Variants in NARS1 observed in about 807,000 individuals in gnomAD.
NARS1 encodes the protein asparaginyl-tRNA synthetase 1, also known as asparagine--tRNA ligase, cytoplasmic.
Under a neutral mutation model 79.2 loss-of-function variants are expected in NARS1, and 65 were observed. The observed-to-expected ratio is 0.82, with a 90% confidence interval of 0.67 to 1.01. The LOEUF (loss-of-function observed/expected upper bound fraction) is 1.01, where lower values mean the gene tolerates loss of function less well. Ranked by LOEUF, NARS1 falls within the 50% of genes least tolerant of loss-of-function variation. NARS1 has a pLI of 0.00. For missense variants in NARS1, 649 were observed against 673.8 expected (o/e 0.96, Z 0.41); for synonymous variants, 229 against 238.8 (o/e 0.96, Z 0.38).
At chr18:57,611,911 T>A (rs950303603) in intron 5 of NARS1, among the ~76,000 whole-genome samples, 1 of 151,476 alleles carries the variant, frequency 6.6e-6, no homozygotes, top group African/African-American at 2.4e-5. Context: ...TACAGGCACA[T>A]GCCACCACAC....
At position 57,601,424 on chromosome 18, in the gene NARS1, G is replaced by C. The variant is rs1019840504; in HGVS notation, c.*228C>G. On this transcript the variant is annotated 3_prime_UTR_variant, in exon 14 of 14. Transcript: ENST00000256854. ...CAGTTTCATGCCAGGTATTTTCCCC[G>C]AACTTTGTTTCCCGAACTTAAGAAA... The C allele has an allele frequency of 2.7e-6, 1 of 371,164 alleles. No individual in the cohort carries two copies. Among genetic ancestry groups the C allele is most frequent in the Non-Finnish European group, 4.8e-6 (1 of 206,624 alleles). The allele number at this position is 371,164 out of a possible 1,614,324, so 23.0% of individuals were successfully genotyped here. A position where few individuals can be genotyped will look rare whatever the true frequency, so the allele number is the denominator to read the frequency against.
intron 6 of NARS1, among the ~76,000 whole-genome samples, 185 bp from the exon 7 acceptor site, chr18:57,609,628 T>C (rs974187027): frequency 4.6e-5 from 7 of 152,242 alleles, no homozygotes; most frequent in Non-Finnish European, 8.8e-5. Context: ...GGTTTATCTA[T>C]ATATAGACAT....
At chr18:57,606,915 T>C (rs2051562785) in intron 9 of NARS1, 164 bp from the exon 10 acceptor site, 2 of 962,614 alleles carry the variant, frequency 2.1e-6, no homozygotes, top group African/African-American at 1.7e-5. Flanking sequence ...TGAGTAGCAA[T>C]TTCTTGTTTG....
chr18:57,616,153 G>T, intron 2 of NARS1, 178 bp from the exon 3 acceptor site: 1 of 591,912 alleles, frequency 1.7e-6, no homozygotes, highest in Non-Finnish European at 2.8e-6. Flanking sequence ...TTGGCTGGGC[G>T]CGGTGGCTCA....
At chr18:57,613,825 C>A (rs1336823234) in intron 4 of NARS1, 145 bp from the exon 5 acceptor site, 15 of 636,502 alleles carry the variant, frequency 2.4e-5, no homozygotes, top group Non-Finnish European at 4.1e-5. Flanking sequence ...CAGCTCAGAA[C>A]CAAACGCATT....
intron 11 of NARS1, among the ~76,000 whole-genome samples, chr18:57,604,114 A>G (rs1267496395): frequency 6.6e-6 from 1 of 152,216 alleles, no homozygotes; most frequent in Admixed American, 6.5e-5. Flanking sequence ...ACAAAAGAAA[A>G]GAGGTGGGAG....
intron 10 of NARS1, 94 bp downstream of exon 10, chr18:57,606,522 C>A: frequency 2.4e-6 from 3 of 1,266,662 alleles, no homozygotes; most frequent in Admixed American, 2.2e-5. Context: ...TTTCAGCTCA[C>A]CAAGCCATCA....
intron 2 of NARS1, among the ~76,000 whole-genome samples, chr18:57,619,115 G>T (rs1349317627): frequency 6.6e-6 from 1 of 152,008 alleles, no homozygotes; most frequent in Non-Finnish European, 1.5e-5. Flanking sequence ...TTCAAAGAAG[G>T]AACTTTTTTG....
At chr18:57,616,233 C>T (rs1008491996) in intron 2 of NARS1, among the ~76,000 whole-genome samples, 8 of 152,102 alleles carry the variant, frequency 5.3e-5, no homozygotes, top group Non-Finnish European at 1.0e-4. Context: ...TCCTGGCTAA[C>T]ATGGTGAAAC....
chr18:57,618,633 G>A (rs118145669), intron 2 of NARS1, among the ~76,000 whole-genome samples: 4 of 152,084 alleles, frequency 2.6e-5, no homozygotes, highest in Non-Finnish European at 4.4e-5. Flanking sequence ...CAGGAGTGGC[G>A]GCTCACACCT....
At position 57,613,618 on chromosome 18, in the gene NARS1, G is replaced by A. The variant is rs555323752; in HGVS notation, c.405C>T (p.His135=). ...GCCATTTACCTTGCCTGCGCAGCCT[G>A]TGGACCCAGCCAAACACCTTTACTC... ...GQRVKVFGWV[H]RLRRQGKNLM... is the part of the protein sequence containing the mutation. The change falls in exon 5 of 14, where the codon CAC becomes CAT. Residue 135 remains histidine, a synonymous_variant. Coordinates refer to ENST00000256854, the MANE Select transcript of NARS1 (RefSeq NM_004539.4). 1.2e-6 allele frequency: 2 copies of A among 1,614,058 alleles called. No homozygotes were observed. Among genetic ancestry groups the A allele is most frequent in the Admixed American group, 1.7e-5 (1 of 60,006 alleles).
At position 57,602,938 on chromosome 18, in the gene NARS1, G is replaced by C. The variant is rs774750238; in HGVS notation, c.1257C>G (p.Ile419Met). Reference protein sequence around the residue: ...DGTFYEFGEDIPEAPERLMTD... With the variant: ...DGTFYEFGEDMPEAPERLMTD... The stretch of plus-strand genomic sequence containing the variant: ...TCATCAGTCTCTCAGGAGCTTCTGG[G>C]ATATCCTGAGGTCAAACAAGACTTC... The change falls in exon 12 of 14, where the codon ATC becomes ATG. Residue 419 changes from isoleucine (I) to methionine (M), a missense_variant. Coordinates refer to ENST00000256854, the MANE Select transcript of NARS1 (RefSeq NM_004539.4). 1 of 1,613,854 alleles carries C rather than the reference G, an allele frequency of 6.2e-7. No homozygotes were observed. The highest frequency in any genetic ancestry group is 1.1e-5 in the South Asian group (1 of 91,030).
At chr18:57,618,816 C>G (rs1001679855) in intron 2 of NARS1, among the ~76,000 whole-genome samples, 2 of 151,938 alleles carry the variant, frequency 1.3e-5, no homozygotes, top group African/African-American at 4.8e-5. Flanking sequence ...GTGGGAGGAT[C>G]CCTTAAGCCC....
chr18:57,615,857 T>G lies in NARS1; in HGVS notation c.212A>C (p.His71Pro). The change falls in exon 3 of 14, where the codon CAT becomes CCT. Residue 71 changes from histidine (H) to proline (P), a missense_variant. His to Pro is a moderately conservative substitution (Grantham distance 77, BLOSUM62 -2). Transcript: ENST00000256854. Reference protein sequence around the residue: ...SQLKNIKKMWHREQMKSESRE... With the variant: ...SQLKNIKKMWPREQMKSESRE... ...GGATTCACTCTTCATTTGTTCCCTA[T>G]GCCACATCTTTTTAATGTTCTTCAA... is the stretch of plus-strand genomic sequence containing the variant. The G allele has an allele frequency of 4.3e-6, 7 of 1,613,664 alleles. No homozygotes were observed. The highest frequency in any genetic ancestry group is 5.9e-6 in the Non-Finnish European group (7 of 1,179,852).
At chr18:57,620,685 G>A (rs779274284) in intron 1 of NARS1, 34 bp from the exon 2 acceptor site, 3 of 1,330,058 alleles carry the variant, frequency 2.3e-6, no homozygotes, top group African/African-American at 1.5e-5. Flanking sequence ...TTATGGTCTG[G>A]CCATTAACTA....
At chr18:57,609,550 T>A in intron 6 of NARS1, 107 bp from the exon 7 acceptor site, 1 of 799,120 alleles carries the variant, frequency 1.3e-6, no homozygotes, top group Non-Finnish European at 2.0e-6. Context: ...GATCAAATAC[T>A]AGTAAAATAA....
Position 57,607,116 on chromosome 18 carries a change from A to C in NARS1, c.1001+18T>G. 1 of 1,588,528 alleles carries C rather than the reference A, an allele frequency of 6.3e-7. No individual in the cohort carries two copies. On this transcript the variant is annotated intron_variant, in intron 9 of 13. Coordinates refer to ENST00000256854, the MANE Select transcript of NARS1 (RefSeq NM_004539.4). ...GATATTACCTAGAAAGAAATAAAACAAAAAGACAACTTCATACTCAGCCAG... is the reference window on the plus strand; with the variant it reads ...GATATTACCTAGAAAGAAATAAAACCAAAAGACAACTTCATACTCAGCCAG...
chr18:57,611,746 C>T lies in NARS1; in HGVS notation c.422-39G>A, dbSNP rs370477160. Reference sequence around the variant, plus strand: ...AATAATAATTTAGGCAGACTGTTCTCAAGGCATTAAATTTTATATATATAT... The same window carrying T: ...AATAATAATTTAGGCAGACTGTTCTTAAGGCATTAAATTTTATATATATAT... On this transcript the variant is annotated intron_variant, in intron 5 of 13. Coordinates refer to ENST00000256854, the MANE Select transcript of NARS1 (RefSeq NM_004539.4). 6.4e-6 allele frequency: 8 copies of T among 1,244,970 alleles called. No homozygotes were observed. In the South Asian group the frequency reaches 1.1e-4, roughly 17 times the overall value. The allele number at this position is 1,244,970 out of a possible 1,614,324, so 77.1% of individuals were successfully genotyped here. A position where few individuals can be genotyped will look rare whatever the true frequency, so the allele number is the denominator to read the frequency against.
intron 7 of NARS1, 54 bp from the exon 8 acceptor site, chr18:57,607,719 T>TA: frequency 7.0e-7 from 1 of 1,418,850 alleles, no homozygotes; most frequent in South Asian, 1.3e-5. Flanking sequence ...AATAAAAAAT[T>TA]AACAGTATTG....
Sources: gnomAD v4.1 joint callset for allele counts (sites outside exome capture counted in the v4.1 genomes callset) on GRCh38, gnomAD v4.1.1 for gene constraint, MANE v1.5 for transcripts, NCBI Gene and HGNC (gene_info 2026-07-23, HGNC 2026-07-21) for gene names.